The following CRB1 variants were observed in gnomAD, a reference collection of about 807,000 sequenced individuals.
CRB1 encodes the protein crumbs cell polarity complex component 1.
Under a neutral mutation model 120.0 loss-of-function variants are expected in CRB1, and 83 were observed. The observed-to-expected ratio is 0.69, with a 90% confidence interval of 0.58 to 0.83. CRB1 has a LOEUF of 0.83. Ranked by LOEUF, CRB1 falls within the 40% of genes least tolerant of loss-of-function variation. The pLI, the probability that CRB1 is intolerant of heterozygous loss-of-function variation, is 0.00. For missense variants in CRB1, 1,699 were observed against 1,687.6 expected (o/e 1.01, Z -0.12); for synonymous variants, 625 against 612.5 (o/e 1.02, Z -0.30).
the CRB1 span, among the ~76,000 whole-genome samples, chr1:197,233,836 A>G: frequency 6.6e-6 from 1 of 152,222 alleles, no homozygotes; most frequent in South Asian, 2.1e-4. Flanking sequence ...ATTTCTGCCT[A>G]AAGTAAGATC....
intron 1 of CRB1, among the ~76,000 whole-genome samples, chr1:197,283,802 A>G (rs1366940882): frequency 1.3e-5 from 2 of 151,228 alleles, no homozygotes; most frequent in African/African-American, 4.8e-5. Context: ...AAAACAGATT[A>G]TTATTTATAT....
chr1:197,391,622 G>A (rs190968109), intron 5 of CRB1, among the ~76,000 whole-genome samples: 56 of 152,184 alleles, frequency 3.7e-4, no homozygotes, highest in Admixed American at 3.1e-3. Flanking sequence ...ACTTCTGATA[G>A]TTGCATCCTG....
At chr1:197,466,772 T>C (rs1428527301) in intron 11 of CRB1, among the ~76,000 whole-genome samples, 1 of 152,186 alleles carries the variant, frequency 6.6e-6, no homozygotes, top group East Asian at 1.9e-4. Flanking sequence ...AATGTGAGAA[T>C]GAATTAATAG....
At chr1:197,389,051 T>C (rs1242787319) in intron 5 of CRB1, among the ~76,000 whole-genome samples, 1 of 152,062 alleles carries the variant, frequency 6.6e-6, no homozygotes, top group African/African-American at 2.4e-5. Context: ...ACAGAAAAGT[T>C]ACAAATATCA....
intron 5 of CRB1, chr1:197,357,238 T>C (rs1316975870): frequency 6.6e-6 from 4 of 609,052 alleles, no homozygotes; most frequent in South Asian, 1.9e-5. Flanking sequence ...ATGAAAGGGA[T>C]GACATTTTTA....
At chr1:197,379,141 G>A (rs568638744) in intron 5 of CRB1, among the ~76,000 whole-genome samples, 29 of 152,104 alleles carry the variant, frequency 1.9e-4, no homozygotes, top group Non-Finnish European at 4.1e-4. Context: ...TGACTTCCTT[G>A]GGTCTTTCCA....
chr1:197,223,787 C>G, the CRB1 span, among the ~76,000 whole-genome samples: 1 of 152,102 alleles, frequency 6.6e-6, no homozygotes, highest in Non-Finnish European at 1.5e-5. Flanking sequence ...TTTTGGAACT[C>G]TTTCTGATTG....
At chr1:197,430,582 C>T (rs955829239) in intron 8 of CRB1, among the ~76,000 whole-genome samples, 3 of 152,154 alleles carry the variant, frequency 2.0e-5, no homozygotes, top group Admixed American at 6.6e-5. Flanking sequence ...ACACCACCAC[C>T]TCCCTCCTGA....
intron 3 of CRB1, 129 bp from the exon 4 acceptor site, chr1:197,347,211 C>T (rs1040884755): frequency 1.2e-6 from 1 of 819,318 alleles, no homozygotes; most frequent in Non-Finnish European, 2.1e-6. Context: ...ATAGATAATT[C>T]CCCAGAGTTT....
rs1664680655 is a variant in CRB1 at position 197,427,925 on chromosome 1, A to G, written c.2600A>G (p.Asn867Ser). The change falls in exon 7 of 12, where the codon AAT becomes AGT. Residue 867 changes from asparagine (N) to serine (S), a missense_variant. Coordinates refer to ENST00000367400, the MANE Select transcript of CRB1 (RefSeq NM_201253.3). The part of the protein sequence containing the change: ...LNNQNLEFFP[N>S]PTNNASLNPV... ...AACCAAAATCTGGAATTCTTTCCAA[A>G]TCCAACAAACAATGCATCTCTCAAT... The G allele has an allele frequency of 6.2e-7, 1 of 1,613,942 alleles. No homozygotes were observed. The highest frequency in any genetic ancestry group is 1.7e-5 in the Admixed American group (1 of 59,968).
At chr1:197,436,600 C>T (rs147944111) in intron 9 of CRB1, among the ~76,000 whole-genome samples, 64 of 151,852 alleles carry the variant, frequency 4.2e-4, no homozygotes, top group Admixed American at 1.0e-3. Flanking sequence ...AATATGTATA[C>T]GTATATATAC....
At chr1:197,342,592 T>C (rs933574596) in intron 2 of CRB1, among the ~76,000 whole-genome samples, 1 of 152,232 alleles carries the variant, frequency 6.6e-6, no homozygotes, top group Non-Finnish European at 1.5e-5. Context: ...ACACGCTGGC[T>C]GCTCCAAATT....
chr1:197,269,310 C>T (rs1654777375), intron 1 of CRB1, among the ~76,000 whole-genome samples: 1 of 152,214 alleles, frequency 6.6e-6, no homozygotes, highest in African/African-American at 2.4e-5. Flanking sequence ...GGCATTAGCA[C>T]ACAGTGTTGG....
intron 11 of CRB1, among the ~76,000 whole-genome samples, chr1:197,454,044 T>C (rs961107344): frequency 8.1e-5 from 12 of 148,250 alleles, no homozygotes; most frequent in African/African-American, 2.2e-4. Flanking sequence ...GAGGCTGGTC[T>C]CAAGCTCCCA....
chr1:197,346,464 T>C (rs1369192150), intron 3 of CRB1, among the ~76,000 whole-genome samples: 3 of 152,186 alleles, frequency 2.0e-5, no homozygotes, highest in Non-Finnish European at 4.4e-5. Context: ...AATGGAATAC[T>C]GAATAGATTT....
chr1:197,329,784 CTA>C (rs1032186835), intron 2 of CRB1, among the ~76,000 whole-genome samples: 10 of 152,144 alleles, frequency 6.6e-5, no homozygotes, highest in Non-Finnish European at 1.3e-4. Flanking sequence ...GGTAACTTAC[CTA>C]GCCTATGCTT....
intron 11 of CRB1, among the ~76,000 whole-genome samples, chr1:197,445,239 T>C (rs1211468028): frequency 2.0e-5 from 3 of 152,190 alleles, no homozygotes; most frequent in Non-Finnish European, 4.4e-5. Flanking sequence ...GAATAAAAAC[T>C]AATTCCATTT....
chr1:197,249,354 A>G, the CRB1 span, among the ~76,000 whole-genome samples: 1 of 151,976 alleles, frequency 6.6e-6, no homozygotes, highest in Non-Finnish European at 1.5e-5. Context: ...TACAAAGAAC[A>G]TGGAATTTTC....
the CRB1 span, chr1:197,222,193 G>A: frequency 4.4e-6 from 2 of 451,172 alleles, no homozygotes; most frequent in Non-Finnish European, 8.4e-6. Context: ...GCTCCTTGTT[G>A]CCCTGCACTG....
Sources: allele counts gnomAD v4.1 joint callset (sites outside exome capture counted in the v4.1 genomes callset), GRCh38; gene constraint gnomAD v4.1.1; transcripts MANE v1.5; gene names NCBI Gene and HGNC (gene_info 2026-07-23, HGNC 2026-07-21).